MATN2: variants seen among roughly 807,000 people sequenced by gnomAD.
MATN2 encodes matrilin-2.
In MATN2, 69 loss-of-function variants were observed where a neutral mutation model predicts 103.2. The observed-to-expected ratio is 0.67, with a 90% confidence interval of 0.55 to 0.82. The LOEUF is 0.82. Ranked by LOEUF, MATN2 falls within the 40% of genes least tolerant of loss-of-function variation. MATN2 has a pLI of 0.00. For missense variants in MATN2, 1,023 were observed against 1,211.5 expected, an observed-to-expected ratio of 0.84 and a Z score of 2.31; for synonymous variants, 429 against 450.2, an observed-to-expected ratio of 0.95 and a Z score of 0.60.
At chr8:97,879,133 A>T (rs553780177) in intron 1 of MATN2, among the ~76,000 whole-genome samples, 1 of 152,330 alleles carries the variant, frequency 6.6e-6, no homozygotes, top group African/African-American at 2.4e-5. Context: ...CAACAAACCC[A>T]TTGTCAGGGG....
chr8:97,891,656 C>T (rs558648983), intron 2 of MATN2, among the ~76,000 whole-genome samples: 23 of 152,210 alleles, frequency 1.5e-4, no homozygotes, highest in Non-Finnish European at 3.2e-4. Context: ...TTAAGGATCC[C>T]AAATAACTTT....
chr8:97,884,596 C>A (rs1220064698), intron 1 of MATN2, among the ~76,000 whole-genome samples: 3 of 152,056 alleles, frequency 2.0e-5, no homozygotes, highest in Non-Finnish European at 4.4e-5. Context: ...CATGATGAAA[C>A]CCCGCCTCTA....
chr8:97,927,640 A>G (rs753387824), intron 2 of MATN2, among the ~76,000 whole-genome samples: 2 of 152,146 alleles, frequency 1.3e-5, no homozygotes, highest in Non-Finnish European at 2.9e-5. Flanking sequence ...GGTGTTTTCA[A>G]CTCAGAATTA....
intron 4 of MATN2, among the ~76,000 whole-genome samples, chr8:97,952,479 A>T (rs984333608): frequency 6.6e-6 from 1 of 152,106 alleles, no homozygotes; most frequent in Admixed American, 6.6e-5. Flanking sequence ...CTCCCCCCTC[A>T]GTTCTGCCTC....
chr8:97,975,914 G>A (rs1811821217), intron 5 of MATN2, among the ~76,000 whole-genome samples: 1 of 152,166 alleles, frequency 6.6e-6, no homozygotes, highest in South Asian at 2.1e-4. Flanking sequence ...CTTGAGAAAT[G>A]AGAAATGAAC....
chr8:98,017,235 A>G (rs1813395904), intron 11 of MATN2, among the ~76,000 whole-genome samples: 1 of 152,200 alleles, frequency 6.6e-6, no homozygotes, highest in Non-Finnish European at 1.5e-5. Context: ...CTGCTTATTT[A>G]TCTTTAATAA....
At chr8:97,958,542 A>G (rs573462688) in intron 4 of MATN2, among the ~76,000 whole-genome samples, 257 of 152,356 alleles carry the variant, frequency 1.7e-3, no homozygotes, top group Non-Finnish European at 3.0e-3. Flanking sequence ...GGGTGAGGCC[A>G]AAAGTGTAAA....
intron 6 of MATN2, among the ~76,000 whole-genome samples, chr8:97,986,632 A>G (rs1284824180): frequency 1.3e-5 from 2 of 152,228 alleles, no homozygotes; most frequent in African/African-American, 4.8e-5. Context: ...ATGGCTGAGT[A>G]GTATTCCATG....
chr8:97,998,667 A>T (rs2959645), intron 7 of MATN2, among the ~76,000 whole-genome samples: 114,402 of 150,452 alleles, frequency 0.76, 44,219 homozygotes, highest in African/African-American at 0.83. Context: ...TTAAAATTTT[A>T]AAAATTTTTT....
intron 4 of MATN2, among the ~76,000 whole-genome samples, chr8:97,960,207 T>G (rs1350184058): frequency 2.0e-5 from 3 of 152,230 alleles, no homozygotes; most frequent in Non-Finnish European, 4.4e-5. Flanking sequence ...TCCTCCCGCC[T>G]TGGCCTCCCA....
chr8:98,033,250 A>G (rs1814106975), intron 17 of MATN2, 74 bp downstream of exon 17: 1 of 1,320,810 alleles, frequency 7.6e-7, no homozygotes, highest in Non-Finnish European at 1.0e-6. Context: ...CTTAGCTTTA[A>G]GGAGGAAAGG....
Position 97,994,302 on chromosome 8 carries a change from T to C in MATN2, c.1082-178T>C, listed in dbSNP as rs142293897. On this transcript the variant is annotated intron_variant, in intron 6 of 18. Transcript: ENST00000254898. The stretch of plus-strand genomic sequence containing the variant: ...GGAAAGAAGGAGAAGAAGTTTCTCT[T>C]AGGAGAGGCCATATCTCTAAACATG... Among the ~76,000 whole-genome samples the C allele has an allele frequency of 6.5e-3, 949 of 145,274 alleles. 12 individuals are homozygous for C. Among genetic ancestry groups the C allele is most frequent in the African/African-American group, 0.023 (889 of 39,044 alleles).
chr8:97,900,893 C>T (rs1818958491), intron 2 of MATN2, among the ~76,000 whole-genome samples: 1 of 152,156 alleles, frequency 6.6e-6, no homozygotes, highest in Non-Finnish European at 1.5e-5. Flanking sequence ...CGAGATAGCG[C>T]CACTGCACTC....
At chr8:97,883,118 A>T (rs1420949248) in intron 1 of MATN2, among the ~76,000 whole-genome samples, 1 of 151,930 alleles carries the variant, frequency 6.6e-6, no homozygotes, top group Admixed American at 6.6e-5. Flanking sequence ...GGCCTGGCCG[A>T]CATAGTGAAA....
At chr8:98,014,554 G>C (rs1172594879) in intron 10 of MATN2, among the ~76,000 whole-genome samples, 6 of 152,212 alleles carry the variant, frequency 3.9e-5, no homozygotes, top group Non-Finnish European at 8.8e-5. Context: ...GATTTTGGCA[G>C]TGCTTCTCCC....
chr8:97,914,731 A>T (rs1449138261), intron 2 of MATN2, among the ~76,000 whole-genome samples: 1 of 150,920 alleles, frequency 6.6e-6, no homozygotes, highest in Non-Finnish European at 1.5e-5. Context: ...GTCCTTTAGG[A>T]CCCAGCCTTG....
chr8:97,931,006 C>T lies in MATN2; in HGVS notation c.196C>T (p.Arg66Cys), dbSNP rs910968401. The T allele has an allele frequency of 6.8e-6, 11 of 1,613,758 alleles. No homozygotes were observed. Among genetic ancestry groups the T allele is most frequent in the East Asian group, 2.2e-5 (1 of 44,876 alleles). Residue 66 changes from arginine to cysteine, a missense_variant, in exon 3 of 19, where the codon CGC (arginine) becomes TGC (cysteine). Physicochemically the swap from Arg to Cys is radical, Grantham distance 180. Coordinates refer to ENST00000254898, the MANE Select transcript of MATN2 (RefSeq NM_002380.5). This position sits in a 1 kb window ranked among gnomAD's most constrained non-coding sequence, Gnocchi z 4.1. ...CCTGGTTTTCATCATTGACAGCTCT[C>T]GCAGTGTCAACACCCATGACTATGC... ...ADLVFIIDSS[R>C]SVNTHDYAKV...
intron 7 of MATN2, among the ~76,000 whole-genome samples, chr8:98,002,342 C>A (rs1165832799): frequency 6.6e-6 from 1 of 152,206 alleles, no homozygotes; most frequent in African/African-American, 2.4e-5. Context: ...CCAGCGTGGT[C>A]TCAACAGAGC....
At chr8:97,969,870 G>T (rs1181834992) in intron 5 of MATN2, among the ~76,000 whole-genome samples, 2 of 152,160 alleles carry the variant, frequency 1.3e-5, no homozygotes, top group Admixed American at 6.5e-5. Context: ...CAAGAGGCAG[G>T]GAGTGGGTGA....
Sources: gnomAD v4.1 joint callset for allele counts (sites outside exome capture counted in the v4.1 genomes callset) on GRCh38, gnomAD v4.1.1 for gene constraint, Gnocchi (gnomAD v3.1) non-coding constraint, MANE v1.5 for transcripts, NCBI Gene and HGNC (gene_info 2026-07-23, HGNC 2026-07-21) for gene names.